The following YME1L1 variants were observed in gnomAD, a reference collection of about 807,000 sequenced individuals.
YME1L1 encodes the protein ATP-dependent zinc metalloprotease YME1L1.
Under a neutral mutation model 90.4 loss-of-function variants are expected in YME1L1, and 39 were observed. That is an observed-to-expected ratio of 0.43 (90% CI 0.33 to 0.56). YME1L1 has a LOEUF of 0.56. YME1L1 is among the 20% of genes least tolerant of loss of function. The probability of loss-of-function intolerance (pLI) is 0.03; values close to 1 mark genes in which losing one functional copy is unlikely to be tolerated. For synonymous variants in YME1L1, 284 were observed against 287.3 expected (o/e 0.99, Z 0.12); for missense variants, 617 against 868.4 (o/e 0.71, Z 3.64).
At chr10:27,115,675 A>G (rs1189628066) in intron 17 of YME1L1, among the ~76,000 whole-genome samples, 1 of 152,174 alleles carries the variant, frequency 6.6e-6, no homozygotes, top group African/African-American at 2.4e-5. Flanking sequence ...GCTACTTCAA[A>G]TATAGAAATC....
At chr10:27,151,695 C>A (rs2057218034) in intron 1 of YME1L1, among the ~76,000 whole-genome samples, 1 of 152,096 alleles carries the variant, frequency 6.6e-6, no homozygotes, top group African/African-American at 2.4e-5. Flanking sequence ...TCCTGGCTAA[C>A]ACGGTGAAAC....
At chr10:27,154,073 C>G (rs2135921551) in intron 1 of YME1L1, 105 bp downstream of exon 1, 4 of 1,435,240 alleles carry the variant, frequency 2.8e-6, no homozygotes, top group Middle Eastern at 3.5e-4. Flanking sequence ...GAGTACATCA[C>G]TTCATTTCTA....
At chr10:27,129,718 TAAA>T (rs10586020) in intron 8 of YME1L1, among the ~76,000 whole-genome samples, 3 of 146,434 alleles carry the variant, frequency 2.0e-5, no homozygotes, top group African/African-American at 7.6e-5. Flanking sequence ...AAAGATAAAA[TAAA>T]AAAAAAAAAT....
At chr10:27,123,465 A>G in intron 10 of YME1L1, 82 bp downstream of exon 10, 1 of 1,468,516 alleles carries the variant, frequency 6.8e-7, no homozygotes, top group Non-Finnish European at 9.2e-7. Context: ...AGGAAGAAAA[A>G]AAGTAATTAG....
At chr10:27,117,459 T>C in intron 15 of YME1L1, 117 bp downstream of exon 15, 1 of 1,114,348 alleles carries the variant, frequency 9.0e-7, no homozygotes, top group South Asian at 1.6e-5. Flanking sequence ...TCCCAGTTAC[T>C]TGGGAGGCTG....
chr10:27,138,045 T>C (rs2057047608), intron 4 of YME1L1, among the ~76,000 whole-genome samples: 1 of 152,118 alleles, frequency 6.6e-6, no homozygotes, highest in Non-Finnish European at 1.5e-5. Context: ...TTAACATATT[T>C]GGAACTTTTT....
chr10:27,145,358 T>C, intron 3 of YME1L1, 70 bp downstream of exon 3: 1 of 1,293,354 alleles, frequency 7.7e-7, no homozygotes, highest in Admixed American at 2.5e-5. Flanking sequence ...CTGTGAAAGC[T>C]AAGAAATGGT....
At chr10:27,138,606 C>T (rs547387609) in intron 4 of YME1L1, among the ~76,000 whole-genome samples, 2 of 151,970 alleles carry the variant, frequency 1.3e-5, no homozygotes, top group East Asian at 1.9e-4. Context: ...TAAAACCTGC[C>T]GCTAGAATAT....
At chr10:27,142,221 C>G (rs961098216) in intron 4 of YME1L1, among the ~76,000 whole-genome samples, 166 bp downstream of exon 4, 4 of 152,172 alleles carry the variant, frequency 2.6e-5, no homozygotes, top group Admixed American at 6.5e-5. Flanking sequence ...TATATATTTT[C>G]CAGATTAAAA....
rs2057134440 is a variant in YME1L1 at position 27,145,470 on chromosome 10, T to C, written c.289A>G (p.Thr97Ala). Residue 97 changes from threonine (T) to alanine (A), a missense_variant, in exon 3 of 19, where the codon ACA becomes GCA. Transcript: ENST00000376016. The part of the protein sequence containing the change: ...KGKNISSHWH[T>A]SHVSAQSFFE... ...AAGGATTGTGCAGAGACATGGGATG[T>C]ATGCCAATGGGAAGAAATGTTTTTG... is the stretch of plus-strand genomic sequence containing the variant. 1 of 1,613,388 alleles carries C rather than the reference T, an allele frequency of 6.2e-7. No homozygotes were observed. Among genetic ancestry groups the C allele is most frequent in the Non-Finnish European group, 8.5e-7 (1 of 1,179,532 alleles).
In YME1L1 at chr10:27,113,256, A is replaced by T. The variant is rs1165007887; in HGVS notation, c.2008-1136T>A. On this transcript the variant is annotated intron_variant, in intron 18 of 18. Coordinates refer to ENST00000376016, the MANE Select transcript of YME1L1 (RefSeq NM_014263.4). ...AAAAAAAAAAAAAAAAAAAAAAAAA[A>T]AAAAAAAGACCTGCCTTCATGAATG... 1.0e-3 allele frequency among the ~76,000 whole-genome samples: 99 copies of T among 96,184 alleles called. 2 individuals are homozygous for T. The highest frequency in any genetic ancestry group is 3.9e-3 in the African/African-American group (90 of 23,226). 63.1% of individuals were successfully genotyped at this position (96,184 alleles called of 152,430 possible). A position where few individuals can be genotyped will look rare whatever the true frequency, so the allele number is the denominator to read the frequency against.
rs776856459 is a variant in YME1L1 at position 27,145,457 on chromosome 10, G to A, written c.302C>T (p.Ser101Phe). The stretch of plus-strand genomic sequence containing the variant: ...TTTATTTTCAAAGAAGGATTGTGCA[G>A]AGACATGGGATGTATGCCAATGGGA... Reference protein sequence around the residue: ...ISSHWHTSHVSAQSFFENKYG... With the variant: ...ISSHWHTSHVFAQSFFENKYG... Residue 101 changes from serine to phenylalanine, a missense_variant, in exon 3 of 19, where the codon TCT (serine) becomes TTT (phenylalanine). This residue lies in a region of YME1L1 where 311 missense variants were observed against 335.8 expected (regional missense o/e 0.93). Transcript: ENST00000376016. The A allele has an allele frequency of 6.2e-7, 1 of 1,612,408 alleles. No homozygotes were observed. The highest frequency in any genetic ancestry group is 1.7e-5 in the Admixed American group (1 of 59,946).
intron 4 of YME1L1, among the ~76,000 whole-genome samples, chr10:27,138,205 TTA>T (rs1491360283): frequency 1.3e-5 from 2 of 152,134 alleles, no homozygotes; most frequent in Non-Finnish European, 2.9e-5. Flanking sequence ...TTTTTTAATT[TTA>T]GTTATTTGTA....
At chr10:27,123,071 A>C (rs2056882620) in intron 10 of YME1L1, 98 bp from the exon 11 acceptor site, 4 of 1,412,410 alleles carry the variant, frequency 2.8e-6, no homozygotes, top group Non-Finnish European at 3.8e-6. Flanking sequence ...GTCAAAAGCC[A>C]ACAAAAAATA....
chr10:27,153,149 A>G, intron 1 of YME1L1: 1 of 468,368 alleles, frequency 2.1e-6, no homozygotes, highest in Non-Finnish European at 4.4e-6. Flanking sequence ...ATACCTGTTC[A>G]CTCTTCACCT....
Position 27,148,983 on chromosome 10 carries a change from C to T in YME1L1, c.91G>A (p.Val31Ile). The T allele has an allele frequency of 6.2e-7, 1 of 1,613,794 alleles. No individual in the cohort carries two copies. The highest frequency in any genetic ancestry group is 8.5e-7 in the Non-Finnish European group (1 of 1,179,878). ...GAAACTGACACTCCACTGAGAGAAA[C>T]AGAAGTGTTTTTTGGTGTATGGAAG... ...NAFHTPKNTSVSLSGVSVSQN... is the reference protein window; with the variant it reads ...NAFHTPKNTSISLSGVSVSQN... The change falls in exon 2 of 19, where the codon GTT becomes ATT. Residue 31 changes from valine (V) to isoleucine (I), a missense_variant. Transcript: ENST00000376016.
In YME1L1 at chr10:27,145,576, T is replaced by C. The variant is rs1482192899; in HGVS notation, c.183A>G (p.Leu61=). 1 of 1,612,744 alleles carries C rather than the reference T, an allele frequency of 6.2e-7. No homozygotes were observed. Among genetic ancestry groups the C allele is most frequent in the East Asian group, 2.2e-5 (1 of 44,764 alleles). Reference sequence around the variant, plus strand: ...TTAGTTCAGATAATCCAAGGTCCCTTAAGTTAAGTGAAGGCTGTAAAAGAT... The same window carrying C: ...TTAGTTCAGATAATCCAAGGTCCCTCAAGTTAAGTGAAGGCTGTAAAAGAT... The part of the protein sequence containing the change: ...EAPSSEPSLN[L]RDLGLSELKI... Residue 61 remains leucine, a synonymous_variant, in exon 3 of 19, where the codon TTA becomes TTG. Coordinates refer to ENST00000376016, the MANE Select transcript of YME1L1 (RefSeq NM_014263.4).
chr10:27,152,813 G>C (rs1341402836), intron 1 of YME1L1, among the ~76,000 whole-genome samples: 1 of 151,956 alleles, frequency 6.6e-6, no homozygotes, highest in Non-Finnish European at 1.5e-5. Context: ...GCTTTAATTG[G>C]GGGGTGGGTG....
intron 2 of YME1L1, chr10:27,147,143 T>A: frequency 2.0e-6 from 1 of 489,548 alleles, no homozygotes; most frequent in Non-Finnish European, 3.6e-6. Context: ...ATGTTTGAAT[T>A]TAATTCTCTA....
Sources: allele counts gnomAD v4.1 joint callset (sites outside exome capture counted in the v4.1 genomes callset), GRCh38; gene constraint gnomAD v4.1.1; regional missense constraint gnomAD v4.1.1; transcripts MANE v1.5; gene names NCBI Gene and HGNC (gene_info 2026-07-23, HGNC 2026-07-21).